The following MGMT variants were observed in gnomAD, a reference collection of about 807,000 sequenced individuals.
MGMT encodes methylated-DNA--protein-cysteine methyltransferase.
Under a neutral mutation model 15.9 loss-of-function variants are expected in MGMT, and 14 were observed. The observed-to-expected ratio is 0.88, with a 90% CI of 0.58 to 1.37. The LOEUF (loss-of-function observed/expected upper bound fraction) is 1.37. MGMT is among the 40% of genes most tolerant of loss of function. The pLI is 0.00. For synonymous variants in MGMT, 130 were observed against 118.2 expected (o/e 1.10, Z -0.65); for missense variants, 282 against 268.1 (o/e 1.05, Z -0.36).
intron 1 of MGMT, among the ~76,000 whole-genome samples, chr10:129,486,636 T>C (rs1845411914): frequency 6.6e-6 from 1 of 151,954 alleles, no homozygotes; most frequent in Non-Finnish European, 1.5e-5. Context: ...TTAAGAAACA[T>C]AAAAAAATTT....
At chr10:129,732,776 C>T (rs1381214384) in intron 3 of MGMT, among the ~76,000 whole-genome samples, 1 of 144,518 alleles carries the variant, frequency 6.9e-6, no homozygotes, top group Admixed American at 7.3e-5. Flanking sequence ...TCTCATTGTT[C>T]AGTTCCCACC....
chr10:129,568,403 G>C (rs12412086), intron 2 of MGMT, among the ~76,000 whole-genome samples: 1 of 152,080 alleles, frequency 6.6e-6, no homozygotes, highest in African/African-American at 2.4e-5. Context: ...GCCCTGCACG[G>C]GGGCAAATGT....
chr10:129,501,227 G>A (rs1845571545), intron 1 of MGMT, among the ~76,000 whole-genome samples: 1 of 152,188 alleles, frequency 6.6e-6, no homozygotes, highest in Non-Finnish European at 1.5e-5. Context: ...GTTCAAAGTT[G>A]CCCCCTCTTC....
intron 2 of MGMT, among the ~76,000 whole-genome samples, chr10:129,638,442 A>AAAAAAAAAAAAAAAAAAT (rs1847288704): frequency 8.2e-6 from 1 of 121,232 alleles, no homozygotes; most frequent in Non-Finnish European, 1.8e-5. Flanking sequence ...AAAAAAAAAA[A>AAAAAAAAAAAAAAAAAAT]AAAGAAAAAA....
chr10:129,583,847 C>T (rs551201583), intron 2 of MGMT, among the ~76,000 whole-genome samples: 31 of 152,036 alleles, frequency 2.0e-4, no homozygotes, highest in East Asian at 1.9e-3. Flanking sequence ...TCTTGACTTT[C>T]GTTTTGTTTT....
chr10:129,657,390 T>C (rs2133102518), intron 2 of MGMT, among the ~76,000 whole-genome samples: 1 of 145,470 alleles, frequency 6.9e-6, no homozygotes, highest in Non-Finnish European at 1.5e-5. Context: ...ACCTCCTGCA[T>C]TCTAGGGATT....
At chr10:129,706,139 G>T (rs575398000) in intron 2 of MGMT, among the ~76,000 whole-genome samples, 1 of 152,140 alleles carries the variant, frequency 6.6e-6, no homozygotes, top group Non-Finnish European at 1.5e-5. Flanking sequence ...TGCCCTTCCC[G>T]CCCTGACACG....
chr10:129,513,113 T>C (rs1001764397), intron 1 of MGMT, among the ~76,000 whole-genome samples: 2 of 152,188 alleles, frequency 1.3e-5, no homozygotes, highest in Non-Finnish European at 2.9e-5. Flanking sequence ...ATGGACAAAC[T>C]TTAAAGACAT....
intron 1 of MGMT, among the ~76,000 whole-genome samples, chr10:129,528,013 T>A (rs1242506769): frequency 6.6e-6 from 1 of 152,148 alleles, no homozygotes; most frequent in East Asian, 1.9e-4. Context: ...GAAGCCTTCC[T>A]GGACTCCCCA....
At chr10:129,489,618 G>A (rs1762421) in intron 1 of MGMT, among the ~76,000 whole-genome samples, 1 of 151,696 alleles carries the variant, frequency 6.6e-6, no homozygotes, top group African/African-American at 2.4e-5. Flanking sequence ...TGCACTCTCT[G>A]TCTCTCTTGG....
At chr10:129,654,362 G>A (rs940079973) in intron 2 of MGMT, among the ~76,000 whole-genome samples, 4 of 152,094 alleles carry the variant, frequency 2.6e-5, no homozygotes, top group Non-Finnish European at 4.4e-5. Flanking sequence ...ACGCGGGGTC[G>A]GGCACCTGCC....
intron 2 of MGMT, among the ~76,000 whole-genome samples, chr10:129,551,407 G>A (rs554487420): frequency 5.3e-5 from 8 of 152,180 alleles, no homozygotes; most frequent in Non-Finnish European, 1.2e-4. Flanking sequence ...AGAAGGCCCC[G>A]GGGATGATAG....
At chr10:129,766,745 G>T (rs1483688223) in intron 4 of MGMT, 43 bp from the exon 5 acceptor site, 1 of 1,571,012 alleles carries the variant, frequency 6.4e-7, no homozygotes, top group South Asian at 1.2e-5. Flanking sequence ...AGACCTCGTT[G>T]TCCAGATCCC....
At chr10:129,745,758 T>G (rs909334137) in intron 3 of MGMT, among the ~76,000 whole-genome samples, 91 of 152,326 alleles carry the variant, frequency 6.0e-4, no homozygotes, top group African/African-American at 2.1e-3. Flanking sequence ...TTATATCCTC[T>G]TTGGGGAAGT....
Position 129,671,814 on chromosome 10 carries a change from G to A in MGMT, c.126-36081G>A, listed in dbSNP as rs1021707073. Among the ~76,000 whole-genome samples the A allele has an allele frequency of 6.6e-5, 10 of 152,222 alleles. No individual in the cohort carries two copies. The East Asian group carries it at 7.7e-4, about 12-fold the overall frequency. ...ATAACATCTTCATCACCTCTGTCTC[G>A]TCACTTTGCAGCATTCATGTAGAAC... On this transcript the variant is annotated intron_variant, in intron 2 of 4. Transcript: ENST00000651593.
chr10:129,660,910 T>G (rs984503534), intron 2 of MGMT, among the ~76,000 whole-genome samples: 12 of 152,298 alleles, frequency 7.9e-5, no homozygotes, highest in Admixed American at 7.8e-4. Context: ...ACTTGAAAAT[T>G]TTTAAAGTAA....
rs756786015 is a variant in MGMT at position 129,468,586 on chromosome 10, T to TA, written c.-13+1302dup. On this transcript the variant is annotated intron_variant, in intron 1 of 4. Coordinates refer to ENST00000651593, the MANE Select transcript of MGMT (RefSeq NM_002412.5). ...TACTTTTCAATGTATATATCTTCATTAAAAAAAAAAAATCTGGGCCAGGCA... is the reference window on the plus strand; with the variant it reads ...TACTTTTCAATGTATATATCTTCATTAAAAAAAAAAAAATCTGGGCCAGGCA... 6.9e-3 allele frequency among the ~76,000 whole-genome samples: 1,007 copies of TA among 145,956 alleles called. 6 individuals carry two copies. Among genetic ancestry groups the TA allele is most frequent in the Non-Finnish European group, 0.01 (665 of 66,092 alleles).
intron 1 of MGMT, among the ~76,000 whole-genome samples, chr10:129,488,004 TA>T (rs1845429703): frequency 8.2e-6 from 1 of 121,428 alleles, no homozygotes; most frequent in African/African-American, 3.7e-5. Flanking sequence ...CACATAGGTA[TA>T]CACACACACA....
chr10:129,542,700 T>C (rs1846056854), intron 2 of MGMT, among the ~76,000 whole-genome samples: 1 of 152,236 alleles, frequency 6.6e-6, no homozygotes, highest in Non-Finnish European at 1.5e-5. Flanking sequence ...AGCATGTTTC[T>C]GTGAGGAAAA....
Sources: gnomAD v4.1 joint callset for allele counts (sites outside exome capture counted in the v4.1 genomes callset) on GRCh38, gnomAD v4.1.1 for gene constraint, MANE v1.5 for transcripts, NCBI Gene and HGNC (gene_info 2026-07-23, HGNC 2026-07-21) for gene names.